Variants in BRAF observed in about 807,000 individuals in gnomAD.
BRAF encodes serine/threonine-protein kinase B-raf.
A neutral mutation model predicts 104.6 loss-of-function variants in BRAF; 16 were observed. The ratio of observed to expected loss-of-function variants is 0.15; its 90% confidence interval spans 0.10 to 0.23. The LOEUF (loss-of-function observed/expected upper bound fraction) is 0.23. Ranked by LOEUF, BRAF falls within the 10% of genes least tolerant of loss-of-function variation. The pLI is 1.00. For synonymous variants in BRAF, 310 were observed against 341.6 expected (o/e 0.91, Z 1.02); for missense variants, 541 against 937.3 (o/e 0.58, Z 5.52).
intron 17 of BRAF, among the ~76,000 whole-genome samples, chr7:140,745,119 C>T (rs1797245948): frequency 6.6e-6 from 1 of 151,850 alleles, no homozygotes; most frequent in African/African-American, 2.4e-5. Context: ...TTTTAATAGG[C>T]ATAAAATCGG....
At chr7:140,780,644 C>T (rs1248559043) in intron 12 of BRAF, 1 of 152,110 alleles carries the variant, frequency 6.6e-6, no homozygotes, top group African/African-American at 2.4e-5. Context: ...CCAAAGACAC[C>T]TTTCTACATC....
At chr7:140,750,256 C>A (rs1480167773) in intron 16 of BRAF, among the ~76,000 whole-genome samples, 2 of 152,142 alleles carry the variant, frequency 1.3e-5, no homozygotes, top group Non-Finnish European at 2.9e-5. Context: ...GTGACAATGT[C>A]AATTTGACAG....
At chr7:140,756,574 CAAAT>C (rs1318286033) in intron 14 of BRAF, among the ~76,000 whole-genome samples, 1 of 151,050 alleles carries the variant, frequency 6.6e-6, no homozygotes, top group Non-Finnish European at 1.5e-5. Flanking sequence ...TAACAGAAAA[CAAAT>C]AACTCACATA....
In BRAF at chr7:140,915,069, A is replaced by C. The variant is rs949132856; in HGVS notation, c.138+9497T>G. On this transcript the variant is annotated intron_variant, in intron 1 of 19. Coordinates refer to ENST00000644969, the MANE Select transcript of BRAF (RefSeq NM_001374258.1). ...GTCTCCAAAAAAAAAAAAAAAAAAA[A>C]ACCATACCTACTTAAGACTTAATTA... is the stretch of plus-strand genomic sequence containing the variant. Among the ~76,000 whole-genome samples the C allele has an allele frequency of 5.2e-4, 76 of 147,136 alleles. 1 individual carries two copies. The highest frequency in any genetic ancestry group is 1.3e-3 in the African/African-American group (50 of 39,022).
chr7:140,760,687 T>A (rs188380001), intron 14 of BRAF, among the ~76,000 whole-genome samples: 1 of 151,672 alleles, frequency 6.6e-6, no homozygotes, highest in Non-Finnish European at 1.5e-5. Flanking sequence ...TGTAGAGAAG[T>A]GCTTAAAGGA....
At chr7:140,909,816 AACAACAAC>A (rs1816764136) in intron 1 of BRAF, among the ~76,000 whole-genome samples, 3 of 145,162 alleles carry the variant, frequency 2.1e-5, no homozygotes, top group Admixed American at 6.7e-5. Flanking sequence ...TCAAAACAAC[AACAACAAC>A]AACAACAACA....
At chr7:140,875,597 C>T (rs1481351597) in intron 1 of BRAF, among the ~76,000 whole-genome samples, 3 of 152,092 alleles carry the variant, frequency 2.0e-5, no homozygotes, top group African/African-American at 4.8e-5. Context: ...AGGCTGGTCT[C>T]GAACTCCCGA....
At chr7:140,845,944 G>T (rs1045874790) in intron 2 of BRAF, among the ~76,000 whole-genome samples, 2 of 152,154 alleles carry the variant, frequency 1.3e-5, no homozygotes, top group Admixed American at 1.3e-4. Context: ...CTCCCAAAGT[G>T]CTGGCATTAC....
intron 2 of BRAF, among the ~76,000 whole-genome samples, chr7:140,846,263 GATGA>G (rs796441893): frequency 1.3e-5 from 2 of 152,246 alleles, no homozygotes; most frequent in African/African-American, 4.8e-5. Flanking sequence ...TCCACTGATG[GATGA>G]ATGGATAATC....
In BRAF at chr7:140,808,967, C is replaced by T. The variant is rs746348396; in HGVS notation, c.533G>A (p.Arg178Gln). 6.2e-6 allele frequency: 10 copies of T among 1,612,970 alleles called. No homozygotes were observed. Among genetic ancestry groups the T allele is most frequent in the South Asian group, 2.2e-5 (2 of 91,046 alleles). The change falls in exon 4 of 20, where the codon CGA becomes CAA. Residue 178 changes from arginine (R) to glutamine (Q), a missense_variant. Arg to Gln is a conservative substitution (Grantham distance 43). Around this residue, in one of 10 missense-constraint regions of BRAF, gnomAD observed 26 missense variants for 74.4 expected, o/e 0.35. Coordinates refer to ENST00000644969, the MANE Select transcript of BRAF (RefSeq NM_001374258.1). Reference sequence around the variant, plus strand: ...CATCAGTGCTTTCTTTAGACTGTCTCGGACTGTAACTCCACACCTTGCAGG... The same window carrying T: ...CATCAGTGCTTTCTTTAGACTGTCTTGGACTGTAACTCCACACCTTGCAGG... ...VVPARCGVTV[R>Q]DSLKKALMMR...
At chr7:140,732,624 G>A (rs1796070802) in intron 19 of BRAF, 1 of 152,186 alleles carries the variant, frequency 6.6e-6, no homozygotes, top group Non-Finnish European at 1.5e-5. Context: ...GCTCTACAGA[G>A]CTTAGCCACA....
Position 140,721,080 on chromosome 7 carries a change from A to C in BRAF, c.*5414T>G. The C allele has an allele frequency of 9.4e-7, 1 of 1,064,414 alleles. No homozygotes were observed. The highest frequency in any genetic ancestry group is 1.1e-6 in the Non-Finnish European group (1 of 878,764). 65.9% of individuals were successfully genotyped at this position (1,064,414 alleles called of 1,614,324 possible). A position where few individuals can be genotyped will look rare whatever the true frequency, so the allele number is the denominator to read the frequency against. On this transcript the variant is annotated 3_prime_UTR_variant, in exon 20 of 20. Transcript: ENST00000644969. The stretch of plus-strand genomic sequence containing the variant: ...CTTCTATCTACAGAATTCTTTAAAA[A>C]AAAATGCACCTCTAAAAAATGGATA...
At chr7:140,827,213 T>C (rs1200085706) in intron 3 of BRAF, among the ~76,000 whole-genome samples, 1 of 152,236 alleles carries the variant, frequency 6.6e-6, no homozygotes, top group Non-Finnish European at 1.5e-5. Flanking sequence ...GTTTTAAGTC[T>C]GCTAACTCAC....
intron 19 of BRAF, chr7:140,731,525 A>AT (rs2130853440): frequency 6.6e-6 from 1 of 152,346 alleles, no homozygotes; most frequent in South Asian, 2.1e-4. Flanking sequence ...AAAAAGGCAC[A>AT]TAATTTTCTT....
At chr7:140,874,490 G>A (rs1811976304) in intron 1 of BRAF, among the ~76,000 whole-genome samples, 1 of 145,204 alleles carries the variant, frequency 6.9e-6, no homozygotes, top group African/African-American at 2.6e-5. Flanking sequence ...GTGAGCCACC[G>A]CGACTGGCCT....
rs565327660 is a variant in BRAF at position 140,831,328 on chromosome 7, T to A, written c.504+3281A>T. Among the ~76,000 whole-genome samples, 15 of 152,328 alleles carry A rather than the reference T, an allele frequency of 9.8e-5. No individual in the cohort carries two copies. In the South Asian group the frequency reaches 1.2e-3, roughly 13 times the overall value. On this transcript the variant is annotated intron_variant, in intron 3 of 19. Coordinates refer to ENST00000644969, the MANE Select transcript of BRAF (RefSeq NM_001374258.1). Reference sequence around the variant, plus strand: ...TACAGACGTGAGAAGAAGTCTGGTATATTCCAGATGGAAGCAGAGTATTAT... The same window carrying A: ...TACAGACGTGAGAAGAAGTCTGGTAAATTCCAGATGGAAGCAGAGTATTAT...
At chr7:140,852,355 T>G (rs1342338544) in intron 1 of BRAF, among the ~76,000 whole-genome samples, 1 of 142,008 alleles carries the variant, frequency 7.0e-6, no homozygotes, top group Non-Finnish European at 1.5e-5. Flanking sequence ...GGCAACATAG[T>G]GAGACTCAGT....
At chr7:140,899,858 C>T (rs1815401955) in intron 1 of BRAF, among the ~76,000 whole-genome samples, 1 of 152,164 alleles carries the variant, frequency 6.6e-6, no homozygotes, top group Non-Finnish European at 1.5e-5. Context: ...GGAGTTATTG[C>T]CTTGCTTCTA....
At chr7:140,899,728 A>G (rs1349823291) in intron 1 of BRAF, among the ~76,000 whole-genome samples, 2 of 151,808 alleles carry the variant, frequency 1.3e-5, no homozygotes, top group Non-Finnish European at 1.5e-5. Context: ...GGAATTTTTT[A>G]TGTATATTTT....
Sources: gnomAD v4.1 joint callset for allele counts (sites outside exome capture counted in the v4.1 genomes callset) on GRCh38, gnomAD v4.1.1 for gene constraint, gnomAD v4.1.1 regional missense constraint, MANE v1.5 for transcripts, NCBI Gene and HGNC (gene_info 2026-07-23, HGNC 2026-07-21) for gene names.